Variants in MAD1L1 observed in about 807,000 individuals in gnomAD.
MAD1L1 encodes the protein mitotic spindle assembly checkpoint protein MAD1.
In MAD1L1, 95 loss-of-function variants were observed where a neutral mutation model predicts 96.9. The ratio of observed to expected loss-of-function variants is 0.98; its 90% confidence interval spans 0.83 to 1.16. The LOEUF (loss-of-function observed/expected upper bound fraction) is 1.16, where lower values mean the gene tolerates loss of function less well. Among genes scored for constraint, MAD1L1 ranks in the 50% most tolerant of loss-of-function variants. MAD1L1 has a pLI of 0.00. For missense variants in MAD1L1, 1,007 were observed against 954.4 expected, an observed-to-expected ratio of 1.06 and a Z score of -0.73; for synonymous variants, 473 against 396.6, an observed-to-expected ratio of 1.19 and a Z score of -2.29.
intron 16 of MAD1L1, among the ~76,000 whole-genome samples, chr7:1,939,142 C>T (rs140771529): frequency 3.9e-3 from 492 of 127,428 alleles, no homozygotes; most frequent in African/African-American, 0.013. Context: ...GGGCCAGGGC[C>T]GGGACCAGAG....
At position 2,103,250 on chromosome 7, in the gene MAD1L1, G is replaced by A. The variant is rs941159556; in HGVS notation, c.1074-33912C>T. 1.3e-5 allele frequency among the ~76,000 whole-genome samples: 2 copies of A among 152,154 alleles called. No individual in the cohort carries two copies. Among genetic ancestry groups the A allele is most frequent in the Non-Finnish European group, 1.5e-5 (1 of 68,018 alleles). ...AGAGGGAGGCCGTCCATCCGGCCAC[G>A]CTGAGGGCCGGGTCGCAGCCCAAGC... On this transcript the variant is annotated intron_variant, in intron 11 of 18. Transcript: ENST00000265854. The surrounding 1 kb of genome is among the most constrained non-coding windows in gnomAD (Gnocchi z 4.3).
At chr7:2,224,638 G>A (rs985778048) in intron 4 of MAD1L1, among the ~76,000 whole-genome samples, 1 of 152,180 alleles carries the variant, frequency 6.6e-6, no homozygotes, top group Non-Finnish European at 1.5e-5. Flanking sequence ...CCCGCCAAGA[G>A]AGGGCACGGA....
intron 18 of MAD1L1, among the ~76,000 whole-genome samples, chr7:1,818,080 G>C (rs1781920713): frequency 6.6e-6 from 1 of 152,106 alleles, no homozygotes. Context: ...AAACCACTCT[G>C]ACCTTTCGCT....
At chr7:1,818,641 C>T (rs1403790246) in intron 18 of MAD1L1, among the ~76,000 whole-genome samples, 4 of 151,916 alleles carry the variant, frequency 2.6e-5, no homozygotes, top group African/African-American at 9.7e-5. Context: ...CCTGGCCTGA[C>T]GTGATCCTCC....
chr7:1,945,542 C>T (rs1779189836), intron 16 of MAD1L1, among the ~76,000 whole-genome samples: 1 of 152,172 alleles, frequency 6.6e-6, no homozygotes, highest in African/African-American at 2.4e-5. Flanking sequence ...CCAGGAGAAG[C>T]AGAGGGTGTG....
At chr7:1,856,289 G>T (rs1784246999) in intron 18 of MAD1L1, among the ~76,000 whole-genome samples, 1 of 152,196 alleles carries the variant, frequency 6.6e-6, no homozygotes, top group Non-Finnish European at 1.5e-5. Context: ...TGAAGGGAAG[G>T]AACATCTCGC....
At chr7:2,145,542 G>C (rs1789254049) in intron 11 of MAD1L1, among the ~76,000 whole-genome samples, 1 of 152,236 alleles carries the variant, frequency 6.6e-6, no homozygotes, top group African/African-American at 2.4e-5. Context: ...TCAATGCTAG[G>C]AAAATTCCTT....
At chr7:2,068,416 A>G (rs1259131099) in intron 12 of MAD1L1, among the ~76,000 whole-genome samples, 1 of 152,234 alleles carries the variant, frequency 6.6e-6, no homozygotes, top group African/African-American at 2.4e-5. Flanking sequence ...GTTTTCATCA[A>G]AAACGATCAA....
chr7:2,203,852 C>T (rs1265465369), intron 10 of MAD1L1, among the ~76,000 whole-genome samples: 2 of 152,178 alleles, frequency 1.3e-5, no homozygotes, highest in African/African-American at 4.8e-5. Context: ...CACAGCACGC[C>T]CTGCTGCCCA....
chr7:2,040,821 C>T (rs1783641076), intron 12 of MAD1L1, among the ~76,000 whole-genome samples: 1 of 152,240 alleles, frequency 6.6e-6, no homozygotes, highest in Non-Finnish European at 1.5e-5. Flanking sequence ...TTATACTTAA[C>T]AGAAGGATCA....
At chr7:2,073,528 C>A (rs1785233343) in intron 11 of MAD1L1, among the ~76,000 whole-genome samples, 1 of 152,208 alleles carries the variant, frequency 6.6e-6, no homozygotes, top group Non-Finnish European at 1.5e-5. Flanking sequence ...CTGTAGGTCA[C>A]CATCTCCCCG....
At chr7:1,957,947 G>A (rs1354874787) in intron 15 of MAD1L1, among the ~76,000 whole-genome samples, 1 of 152,244 alleles carries the variant, frequency 6.6e-6, no homozygotes, top group African/African-American at 2.4e-5. Context: ...CTCAGCTGGA[G>A]GAGCCTGTGC....
intron 18 of MAD1L1, among the ~76,000 whole-genome samples, chr7:1,830,814 G>C (rs1401464227): frequency 6.6e-6 from 1 of 152,100 alleles, no homozygotes; most frequent in African/African-American, 2.4e-5. Context: ...ATCCAAGAAA[G>C]GCAGAAAAAG....
intron 10 of MAD1L1, among the ~76,000 whole-genome samples, chr7:2,207,380 C>T (rs1273001285): frequency 6.6e-6 from 1 of 152,164 alleles, no homozygotes; most frequent in Non-Finnish European, 1.5e-5. Context: ...TCCGAAACAC[C>T]AAGGTGAGAT....
intron 11 of MAD1L1, among the ~76,000 whole-genome samples, chr7:2,102,058 G>A (rs1786806191): frequency 6.6e-6 from 1 of 152,016 alleles, no homozygotes; most frequent in African/African-American, 2.4e-5. Context: ...AGCAGAAGAG[G>A]CTGAGAGCAC....
At chr7:2,113,142 G>A (rs1433717406) in intron 11 of MAD1L1, among the ~76,000 whole-genome samples, 2 of 151,896 alleles carry the variant, frequency 1.3e-5, no homozygotes, top group Non-Finnish European at 2.9e-5. Flanking sequence ...AAACGGGGAC[G>A]AGGGGCAGAG....
At chr7:2,015,789 T>C (rs962600330) in intron 12 of MAD1L1, among the ~76,000 whole-genome samples, 2 of 152,184 alleles carry the variant, frequency 1.3e-5, no homozygotes, top group Non-Finnish European at 2.9e-5. Flanking sequence ...GGAGGGCAGC[T>C]TCCAGATCTT....
intron 18 of MAD1L1, among the ~76,000 whole-genome samples, chr7:1,841,712 C>G (rs1783270745): frequency 6.6e-6 from 1 of 152,262 alleles, no homozygotes; most frequent in South Asian, 2.1e-4. Context: ...GGCGCTGCTT[C>G]CCTCGCGGGG....
intron 5 of MAD1L1, among the ~76,000 whole-genome samples, chr7:2,221,736 G>C (rs1377179270): frequency 1.3e-5 from 2 of 152,216 alleles, no homozygotes; most frequent in African/African-American, 4.8e-5. Flanking sequence ...CTTGCAGACA[G>C]TCAAAGATAT....
Sources: gnomAD v4.1 joint callset for allele counts (sites outside exome capture counted in the v4.1 genomes callset) on GRCh38, gnomAD v4.1.1 for gene constraint, Gnocchi (gnomAD v3.1) non-coding constraint, MANE v1.5 for transcripts, NCBI Gene and HGNC (gene_info 2026-07-23, HGNC 2026-07-21) for gene names.